Variants in KIFC3 observed in about 807,000 individuals in gnomAD.
KIFC3 encodes the protein kinesin-like protein KIFC3.
Under a neutral mutation model 101.8 loss-of-function variants are expected in KIFC3, and 60 were observed. That is an observed-to-expected ratio of 0.59 (90% confidence interval 0.48 to 0.73). The LOEUF is 0.73. Ranked by LOEUF, KIFC3 falls within the 30% of genes least tolerant of loss-of-function variation. The pLI, the probability that KIFC3 is intolerant of heterozygous loss-of-function variation, is 0.00. For synonymous variants in KIFC3, 476 were observed against 482.7 expected (o/e 0.99, Z 0.18); for missense variants, 966 against 1,137.1 (o/e 0.85, Z 2.16).
chr16:57,785,433 G>A, intron 3 of KIFC3: 1 of 1,261,104 alleles, frequency 7.9e-7, no homozygotes, highest in Non-Finnish European at 1.0e-6. Flanking sequence ...AGTGGGCAGT[G>A]GCCTCTGCCC....
Position 57,765,516 on chromosome 16 carries a change from G to A in KIFC3, c.1455C>T (p.Gly485=). 1.3e-6 allele frequency: 2 copies of A among 1,592,642 alleles called. No individual in the cohort carries two copies. Among genetic ancestry groups the A allele is most frequent in the Non-Finnish European group, 1.7e-6 (2 of 1,168,682 alleles). The change falls in exon 11 of 20, where the codon GGC becomes GGT. Residue 485 remains glycine, a synonymous_variant. Coordinates refer to ENST00000445690, the MANE Select transcript of KIFC3 (RefSeq NM_001130100.2). The stretch of plus-strand genomic sequence containing the variant: ...TGTCCAGCTCGAAGGACACAGGCTT[G>A]CCCTTGTGCAGCAGGTGGATGATGG... ...DDSIIHLLHK[G]KPVSFELDKV...
At chr16:57,759,257 C>G in intron 18 of KIFC3, 104 bp from the exon 19 acceptor site, 1 of 1,370,242 alleles carries the variant, frequency 7.3e-7, no homozygotes, top group Non-Finnish European at 1.0e-6. Context: ...TGGGCCAGGC[C>G]CTCCCATGAT....
At position 57,862,168 on chromosome 16, in the gene KIFC3, T is replaced by A. The variant is rs117192528; in HGVS notation, c.108+561A>T. 4.8e-3 allele frequency among the ~76,000 whole-genome samples: 725 copies of A among 149,748 alleles called. 20 individuals carry two copies. Among genetic ancestry groups the A allele is most frequent in the South Asian group, 0.037 (176 of 4,718 alleles). ...ATTTTCTGTCCTGAGTAGCTGGGGCTACAGGTGCTTACCACTACATCTGGC... is the reference window on the plus strand; with the variant it reads ...ATTTTCTGTCCTGAGTAGCTGGGGCAACAGGTGCTTACCACTACATCTGGC... On this transcript the variant is annotated intron_variant, in intron 1 of 2. Coordinates refer to the KIFC3 transcript ENST00000563028.
intron 3 of KIFC3, among the ~76,000 whole-genome samples, chr16:57,783,270 G>C (rs2052930522): frequency 6.6e-6 from 1 of 152,184 alleles, no homozygotes; most frequent in Admixed American, 6.5e-5. Context: ...CAGATTAAAG[G>C]TTGCCAGGGG....
At chr16:57,775,380 C>T in intron 3 of KIFC3, 1 of 1,077,872 alleles carries the variant, frequency 9.3e-7, no homozygotes. Context: ...GCCAAGGCAC[C>T]AGTGGCCTGC....
At chr16:57,764,094 T>A (rs782385959) in intron 12 of KIFC3, 49 bp downstream of exon 12, 2 of 1,351,764 alleles carry the variant, frequency 1.5e-6, no homozygotes, top group South Asian at 1.2e-5. Context: ...GGAGCCCGCA[T>A]TCCCTTCATG....
upstream of KIFC3, among the ~76,000 whole-genome samples, chr16:57,806,699 G>C (rs1322243956): frequency 6.6e-6 from 1 of 152,180 alleles, no homozygotes; most frequent in African/African-American, 2.4e-5. Flanking sequence ...GTAAGAGAAG[G>C]CTCCTTAGCA....
intron 1 of KIFC3, chr16:57,816,390 C>A: frequency 1.6e-6 from 1 of 615,782 alleles, no homozygotes; most frequent in Non-Finnish European, 2.7e-6. Flanking sequence ...TCAGAAGACC[C>A]GCCTTTGGTC....
chr16:57,795,541 A>G (rs2054221285), intron 2 of KIFC3, among the ~76,000 whole-genome samples: 3 of 152,230 alleles, frequency 2.0e-5, no homozygotes, highest in Admixed American at 2.0e-4. Flanking sequence ...GGCTGCCTCT[A>G]GGTGGCAATT....
chr16:57,805,783 C>T (rs555699061), upstream of KIFC3, among the ~76,000 whole-genome samples: 29 of 150,678 alleles, frequency 1.9e-4, no homozygotes, highest in Non-Finnish European at 3.4e-4. Context: ...TCAAGCAATT[C>T]TCCTGCCTCA....
At chr16:57,831,355 A>C (rs1273599860) in intron 1 of KIFC3, among the ~76,000 whole-genome samples, 1 of 152,110 alleles carries the variant, frequency 6.6e-6, no homozygotes, top group Non-Finnish European at 1.5e-5. Flanking sequence ...TGCTTCTCAA[A>C]CCGCACTGTG....
intron 1 of KIFC3, among the ~76,000 whole-genome samples, chr16:57,822,137 A>G (rs1196602196): frequency 6.6e-6 from 1 of 152,154 alleles, no homozygotes; most frequent in Non-Finnish European, 1.5e-5. Context: ...AAAATTCCCC[A>G]AGATACAATG....
intron 1 of KIFC3, among the ~76,000 whole-genome samples, chr16:57,823,930 A>G (rs1555630323): frequency 6.6e-6 from 1 of 152,154 alleles, no homozygotes; most frequent in Non-Finnish European, 1.5e-5. Flanking sequence ...CCCAGCCTAA[A>G]CTACTAATAC....
At chr16:57,766,464 CG>C (rs1555603055) in intron 10 of KIFC3, among the ~76,000 whole-genome samples, 1 of 152,200 alleles carries the variant, frequency 6.6e-6, no homozygotes, top group Non-Finnish European at 1.5e-5. Flanking sequence ...ACCATAGCCT[CG>C]GGCTGGAACG....
intron 1 of KIFC3, among the ~76,000 whole-genome samples, chr16:57,837,261 A>C (rs782714678): frequency 6.6e-6 from 1 of 152,044 alleles, no homozygotes; most frequent in Non-Finnish European, 1.5e-5. Context: ...TGAGCCTAGG[A>C]GTTTGAGACC....
At position 57,758,635 on chromosome 16, in the gene KIFC3, AC is replaced by A. The variant is rs1555591101; in HGVS notation, c.*298del. On this transcript the variant is annotated 3_prime_UTR_variant, in exon 20 of 20. Coordinates refer to ENST00000445690, the MANE Select transcript of KIFC3 (RefSeq NM_001130100.2). Reference sequence around the variant, plus strand: ...CCTCCTCCACACTCCCGCCCTCCTCACGGGGCCCAGTTCGCTGATGGCCCAG... The same window carrying A: ...CCTCCTCCACACTCCCGCCCTCCTCAGGGGCCCAGTTCGCTGATGGCCCAG... 3 of 698,922 alleles carry A rather than the reference AC, an allele frequency of 4.3e-6. No homozygotes were observed. The highest frequency in any genetic ancestry group is 1.7e-5 in the African/African-American group (1 of 57,172). 43.3% of individuals were successfully genotyped at this position (698,922 alleles called of 1,614,324 possible). A position where few individuals can be genotyped will look rare whatever the true frequency, so the allele number is the denominator to read the frequency against.
chr16:57,811,479 T>C (rs2149259413), intron 1 of KIFC3, among the ~76,000 whole-genome samples: 1 of 152,112 alleles, frequency 6.6e-6, no homozygotes, highest in Admixed American at 6.5e-5. Flanking sequence ...TCTCAGCAGT[T>C]TGGGAGGCAG....
intron 1 of KIFC3, among the ~76,000 whole-genome samples, chr16:57,808,302 A>G: frequency 6.6e-6 from 1 of 152,158 alleles, no homozygotes; most frequent in East Asian, 1.9e-4. Flanking sequence ...TGAGAGTAGC[A>G]CGGGCCAAAT....
At chr16:57,849,635 GC>G (rs1255151147) in intron 1 of KIFC3, among the ~76,000 whole-genome samples, 1 of 152,192 alleles carries the variant, frequency 6.6e-6, no homozygotes, top group Non-Finnish European at 1.5e-5. Context: ...AGGTGTGGTG[GC>G]TGATGCCTGT....
Sources: allele counts gnomAD v4.1 joint callset (sites outside exome capture counted in the v4.1 genomes callset), GRCh38; gene constraint gnomAD v4.1.1; transcripts MANE v1.5; gene names NCBI Gene and HGNC (gene_info 2026-07-23, HGNC 2026-07-21).